Variants in LASP1 observed in about 807,000 individuals in gnomAD.
LASP1 encodes the protein LIM and SH3 domain protein 1.
LASP1 carries 10 observed loss-of-function variants against 38.6 expected under a neutral mutation model. The observed-to-expected ratio is 0.26, with a 90% confidence interval of 0.16 to 0.44. The LOEUF (loss-of-function observed/expected upper bound fraction) is 0.44. LASP1 is among the 20% of genes least tolerant of loss of function. The probability of loss-of-function intolerance (pLI) is 1.00; values close to 1 mark genes in which losing one functional copy is unlikely to be tolerated. For missense variants in LASP1, 243 were observed against 375.7 expected (o/e 0.65, Z 2.92); for synonymous variants, 132 against 140.8 (o/e 0.94, Z 0.44).
At chr17:38,891,591 G>A (rs1365679518) in intron 3 of LASP1, among the ~76,000 whole-genome samples, 1 of 152,146 alleles carries the variant, frequency 6.6e-6, no homozygotes, top group Non-Finnish European at 1.5e-5. Context: ...ATTCACAGCT[G>A]ACGATGGAGG....
rs1265949884 is a variant in LASP1 at position 38,899,069 on chromosome 17, G to A, written c.357+550G>A. On this transcript the variant is annotated intron_variant, in intron 4 of 6. Transcript: ENST00000318008. ...GTCAGTGGCATCTGGCTGTGGCAGGGGTGGGCATGGAGAGTGGGCAGGGGA... is the reference window on the plus strand; with the variant it reads ...GTCAGTGGCATCTGGCTGTGGCAGGAGTGGGCATGGAGAGTGGGCAGGGGA... 4 of 330,336 alleles carry A rather than the reference G, an allele frequency of 1.2e-5. No homozygotes were observed. The East Asian group carries it at 3.1e-4, about 25-fold the overall frequency. The allele number at this position is 330,336 out of a possible 1,614,324, so 20.5% of individuals were successfully genotyped here.
Position 38,873,293 on chromosome 17 carries a change from G to T in LASP1, c.69+3035G>T, listed in dbSNP as rs921337280. Among the ~76,000 whole-genome samples, 10 of 152,242 alleles carry T rather than the reference G, an allele frequency of 6.6e-5. No individual in the cohort carries two copies. The South Asian group carries it at 1.9e-3, about 28-fold the overall frequency. On this transcript the variant is annotated intron_variant, in intron 1 of 6. Coordinates refer to ENST00000318008, the MANE Select transcript of LASP1 (RefSeq NM_006148.4). ...GCCCCGTTTTGCTAGCTGAAGCTTA[G>T]AGTACCCCACCATCATCTTGTGACC... is the stretch of plus-strand genomic sequence containing the variant.
chr17:38,894,687 CG>C (rs1252875437), intron 3 of LASP1, among the ~76,000 whole-genome samples: 3 of 152,166 alleles, frequency 2.0e-5, no homozygotes, highest in African/African-American at 7.2e-5. Context: ...CTTCCAGCCC[CG>C]GCCCTTTCCA....
chr17:38,906,082 T>C (rs1166761985), intron 4 of LASP1, among the ~76,000 whole-genome samples: 1 of 151,834 alleles, frequency 6.6e-6, no homozygotes, highest in East Asian at 1.9e-4. Context: ...AAATAAAATA[T>C]TGTGAGTCTC....
chr17:38,875,613 T>C (rs1402217091), intron 1 of LASP1, among the ~76,000 whole-genome samples: 1 of 152,104 alleles, frequency 6.6e-6, no homozygotes, highest in East Asian at 1.9e-4. Context: ...TATTCCACCA[T>C]TAGGTTTTTC....
intron 4 of LASP1, 153 bp downstream of exon 4, chr17:38,898,672 TCC>T (rs1430678199): frequency 4.4e-6 from 3 of 687,204 alleles, no homozygotes; most frequent in Non-Finnish European, 8.0e-6. Context: ...AGCTTGGGGT[TCC>T]CAGATGCCTC....
chr17:38,907,592 A>G (rs748110685), intron 4 of LASP1, among the ~76,000 whole-genome samples: 1 of 152,136 alleles, frequency 6.6e-6, no homozygotes, highest in Non-Finnish European at 1.5e-5. Flanking sequence ...TTTTAGGGCA[A>G]TGATTGTCAG....
chr17:38,889,432 A>C (rs972375259), intron 2 of LASP1, among the ~76,000 whole-genome samples: 1 of 152,112 alleles, frequency 6.6e-6, no homozygotes, highest in Non-Finnish European at 1.5e-5. Flanking sequence ...GCCCGGCCTA[A>C]TTCACTGTTG....
At chr17:38,900,252 C>T (rs958333018) in intron 4 of LASP1, among the ~76,000 whole-genome samples, 9 of 148,850 alleles carry the variant, frequency 6.0e-5, no homozygotes, top group South Asian at 2.1e-4. Context: ...TGATAGCACA[C>T]GCCTGTGGTC....
At chr17:38,871,811 G>A (rs1190999691) in intron 1 of LASP1, among the ~76,000 whole-genome samples, 1 of 152,050 alleles carries the variant, frequency 6.6e-6, no homozygotes, top group Admixed American at 6.5e-5. Context: ...GTATATTGTG[G>A]GCACGAGGAA....
At chr17:38,901,312 G>A (rs969366050) in intron 4 of LASP1, among the ~76,000 whole-genome samples, 2 of 152,198 alleles carry the variant, frequency 1.3e-5, no homozygotes, top group Non-Finnish European at 2.9e-5. Context: ...CAAGCCATCC[G>A]CATCTCAGGA....
intron 3 of LASP1, 54 bp from the exon 4 acceptor site, chr17:38,898,358 G>A (rs1376504870): frequency 1.3e-5 from 18 of 1,370,084 alleles, no homozygotes; most frequent in African/African-American, 5.8e-5. Flanking sequence ...GCCCCAAGCC[G>A]AGGCCCTTTC....
In LASP1 at chr17:38,915,110, A is replaced by G. The variant is rs1191980692; in HGVS notation, c.576A>G (p.Pro192=). The G allele has an allele frequency of 6.2e-6, 10 of 1,613,816 alleles. No homozygotes were observed. In the Admixed American group the frequency reaches 1.0e-4, roughly 16 times the overall value. The change falls in exon 6 of 7, where the codon CCA becomes CCG. Residue 192 remains proline, a synonymous_variant. Coordinates refer to ENST00000318008, the MANE Select transcript of LASP1 (RefSeq NM_006148.4). ...SYGGYKEPAA[P]VSIQRSAPGG... Reference sequence around the variant, plus strand: ...GTGGCTACAAGGAGCCTGCAGCCCCAGTCTCCATACAGCGCAGCGCCCCAG... The same window carrying G: ...GTGGCTACAAGGAGCCTGCAGCCCCGGTCTCCATACAGCGCAGCGCCCCAG...
chr17:38,870,359 C>A, intron 1 of LASP1, 101 bp downstream of exon 1: 1 of 1,339,910 alleles, frequency 7.5e-7, no homozygotes, highest in South Asian at 1.2e-5. Context: ...TCCCCGCGAT[C>A]CCAGGAGAAT....
intron 2 of LASP1, among the ~76,000 whole-genome samples, chr17:38,879,160 G>GTT (rs1913867081): frequency 1.5e-5 from 1 of 67,874 alleles, no homozygotes. Context: ...CTTTTAATTT[G>GTT]CTTTTTTTTT....
At chr17:38,895,991 T>G (rs1315405702) in intron 3 of LASP1, among the ~76,000 whole-genome samples, 5 of 152,026 alleles carry the variant, frequency 3.3e-5, no homozygotes, top group Non-Finnish European at 1.5e-5. Flanking sequence ...AGCGCTGAGT[T>G]GCATCCTGGC....
chr17:38,899,652 G>A (rs1378123995), intron 4 of LASP1, among the ~76,000 whole-genome samples: 1 of 152,028 alleles, frequency 6.6e-6, no homozygotes, highest in Non-Finnish European at 1.5e-5. Flanking sequence ...TACATTGTAC[G>A]TCTTGACCCA....
At chr17:38,914,981 G>A (rs1413195048) in intron 5 of LASP1, 62 bp from the exon 6 acceptor site, 3 of 1,514,988 alleles carry the variant, frequency 2.0e-6, no homozygotes, top group South Asian at 1.1e-5. Flanking sequence ...CTTCTCGGGA[G>A]CTCTGGGAGG....
intron 3 of LASP1, chr17:38,897,139 AACAGC>A (rs1914511897): frequency 1.1e-6 from 1 of 923,640 alleles, no homozygotes; most frequent in African/African-American, 1.8e-5. Flanking sequence ...ACTAATGGGG[AACAGC>A]ACATCCAAGC....
Sources: gnomAD v4.1 joint callset for allele counts (sites outside exome capture counted in the v4.1 genomes callset) on GRCh38, gnomAD v4.1.1 for gene constraint, MANE v1.5 for transcripts, NCBI Gene and HGNC (gene_info 2026-07-23, HGNC 2026-07-21) for gene names.